GRIN2A: variants seen among roughly 807,000 people sequenced by gnomAD.
GRIN2A encodes the protein glutamate ionotropic receptor NMDA type subunit 2A, also known as glutamate receptor ionotropic, NMDA 2A.
Under a neutral mutation model 113.4 loss-of-function variants are expected in GRIN2A, and 22 were observed. The observed-to-expected ratio is 0.19, with a 90% CI of 0.14 to 0.28. The LOEUF (loss-of-function observed/expected upper bound fraction) is 0.28, where lower values mean the gene tolerates loss of function less well. Ranked by LOEUF, GRIN2A falls within the 10% of genes least tolerant of loss-of-function variation. The pLI is 1.00. For synonymous variants in GRIN2A, 827 were observed against 738.4 expected, an observed-to-expected ratio of 1.12 and a Z score of -1.94; for missense variants, 1,502 against 1,887.0, an observed-to-expected ratio of 0.80 and a Z score of 3.78.
At chr16:9,835,693 T>A (rs1203454264) in intron 7 of GRIN2A, among the ~76,000 whole-genome samples, 1 of 152,150 alleles carries the variant, frequency 6.6e-6, no homozygotes, top group African/African-American at 2.4e-5. Flanking sequence ...TAAAATTGTT[T>A]TCCTAGTGAA....
intron 2 of GRIN2A, chr16:10,121,379 A>T (rs1185946938): frequency 2.6e-5 from 4 of 152,150 alleles, no homozygotes; most frequent in Non-Finnish European, 5.9e-5. Context: ...CAAGCTTAGA[A>T]GCTGTTATGA....
intron 2 of GRIN2A, among the ~76,000 whole-genome samples, chr16:9,991,354 A>G (rs2046109226): frequency 6.6e-6 from 1 of 152,220 alleles, no homozygotes; most frequent in Admixed American, 6.5e-5. Context: ...CTGAATTAGT[A>G]AGTGGTCCTA....
At chr16:10,040,783 A>G (rs376696945) in intron 2 of GRIN2A, among the ~76,000 whole-genome samples, 2 of 152,198 alleles carry the variant, frequency 1.3e-5, no homozygotes, top group African/African-American at 4.8e-5. Flanking sequence ...GCGCTCCGAC[A>G]CTGCATCTGC....
intron 2 of GRIN2A, among the ~76,000 whole-genome samples, chr16:10,131,581 A>G (rs1596538249): frequency 6.6e-6 from 1 of 152,100 alleles, no homozygotes; most frequent in Admixed American, 6.5e-5. Flanking sequence ...ATGCATTGAC[A>G]AGACTAGAGT....
At chr16:9,926,921 C>T (rs1324497529) in intron 3 of GRIN2A, among the ~76,000 whole-genome samples, 1 of 74,896 alleles carries the variant, frequency 1.3e-5, no homozygotes, top group Non-Finnish European at 2.6e-5. Flanking sequence ...GAAAAACACT[C>T]TAAGTTTAAA....
Position 9,762,758 on chromosome 16 carries a change from G to C in GRIN2A, c.*391C>G, listed in dbSNP as rs1352613566. The C allele has an allele frequency of 1.0e-5, 4 of 388,726 alleles. No individual in the cohort carries two copies. Among genetic ancestry groups the C allele is most frequent in the Non-Finnish European group, 1.4e-5 (3 of 211,974 alleles). 24.1% of individuals were successfully genotyped at this position (388,726 alleles called of 1,614,324 possible). On this transcript the variant is annotated 3_prime_UTR_variant, in exon 13 of 13. Coordinates refer to ENST00000330684, the MANE Select transcript of GRIN2A (RefSeq NM_001134407.3). Reference sequence around the variant, plus strand: ...TATTCTGTATTAGAGAAACCATTAGGCATTTCTGATGAGAAAATTACATGG... The same window carrying C: ...TATTCTGTATTAGAGAAACCATTAGCCATTTCTGATGAGAAAATTACATGG...
chr16:9,959,015 C>G (rs919580310), intron 2 of GRIN2A, among the ~76,000 whole-genome samples: 2 of 152,294 alleles, frequency 1.3e-5, no homozygotes, highest in South Asian at 4.1e-4. Flanking sequence ...AAATGTTCAG[C>G]TTATGCCCCA....
At chr16:9,765,557 A>AG (rs1011866642) in intron 12 of GRIN2A, among the ~76,000 whole-genome samples, 15 of 152,238 alleles carry the variant, frequency 9.9e-5, no homozygotes, top group African/African-American at 3.4e-4. Context: ...ATACTCTTTG[A>AG]GGGGGGGATA....
chr16:9,835,885 C>T (rs1223206737), intron 7 of GRIN2A, among the ~76,000 whole-genome samples: 4 of 152,162 alleles, frequency 2.6e-5, no homozygotes, highest in African/African-American at 9.6e-5. Context: ...GGGAGGAATG[C>T]TTTCTAATGC....
chr16:9,791,725 T>A (rs186323851), intron 11 of GRIN2A, among the ~76,000 whole-genome samples: 1 of 151,842 alleles, frequency 6.6e-6, no homozygotes, highest in African/African-American at 2.4e-5. Flanking sequence ...ACAAACACTT[T>A]CTATTCTGCC....
intron 2 of GRIN2A, among the ~76,000 whole-genome samples, chr16:9,948,476 G>T (rs1006811672): frequency 3.9e-5 from 6 of 152,178 alleles, no homozygotes; most frequent in African/African-American, 1.4e-4. Flanking sequence ...CATGCTGCAA[G>T]CATCTCTCAG....
chr16:10,171,015 A>G (rs570249594), intron 2 of GRIN2A, among the ~76,000 whole-genome samples: 50 of 152,312 alleles, frequency 3.3e-4, no homozygotes, highest in African/African-American at 1.2e-3. Context: ...CATCACTTCA[A>G]TCTGAAGTTT....
At chr16:10,059,886 AT>A (rs1299455211) in intron 2 of GRIN2A, among the ~76,000 whole-genome samples, 2 of 152,164 alleles carry the variant, frequency 1.3e-5, no homozygotes, top group South Asian at 2.1e-4. Flanking sequence ...AACAGAGATA[AT>A]ACAGGAAATT....
At chr16:9,803,939 G>T (rs1416917713) in intron 10 of GRIN2A, among the ~76,000 whole-genome samples, 1 of 152,198 alleles carries the variant, frequency 6.6e-6, no homozygotes, top group South Asian at 2.1e-4. Context: ...TTTGACAGAA[G>T]AGGCAAGGAT....
At position 9,761,606 on chromosome 16, in the gene GRIN2A, G is replaced by A; in HGVS notation, c.*1543C>T. On this transcript the variant is annotated 3_prime_UTR_variant, in exon 13 of 13. Transcript: ENST00000330684. ...TTTTTAAACTAGAAAATCCTGATCT[G>A]AGAAAGTGTCATAACATAGCAACTA... The A allele has an allele frequency of 4.4e-6, 1 of 229,822 alleles. No homozygotes were observed. Among genetic ancestry groups the A allele is most frequent in the Non-Finnish European group, 8.6e-6 (1 of 115,976 alleles). The allele number at this position is 229,822 out of a possible 1,614,324, so 14.2% of individuals were successfully genotyped here.
In GRIN2A at chr16:9,804,111, A is replaced by G. The variant is rs184634312; in HGVS notation, c.2169-5647T>C. Among the ~76,000 whole-genome samples the G allele has an allele frequency of 5.9e-5, 9 of 152,320 alleles. No homozygotes were observed. The East Asian group carries it at 1.4e-3, about 23-fold the overall frequency. On this transcript the variant is annotated intron_variant, in intron 10 of 12. Coordinates refer to ENST00000330684, the MANE Select transcript of GRIN2A (RefSeq NM_001134407.3). Reference sequence around the variant, plus strand: ...CCAGTCCATCGGAAGACATGTAGGTATAGGTGGCCATAGCTTCTTGTTGAA... The same window carrying G: ...CCAGTCCATCGGAAGACATGTAGGTGTAGGTGGCCATAGCTTCTTGTTGAA...
intron 2 of GRIN2A, among the ~76,000 whole-genome samples, chr16:10,080,144 A>G (rs1388948726): frequency 6.6e-6 from 1 of 152,212 alleles, no homozygotes; most frequent in African/African-American, 2.4e-5. Context: ...GGTTGCCACA[A>G]CAGCAGAGTA....
At position 9,878,111 on chromosome 16, in the gene GRIN2A, CT is replaced by C. The variant is rs563258070; in HGVS notation, c.1122+12874del. On this transcript the variant is annotated intron_variant, in intron 4 of 12. Coordinates refer to ENST00000330684, the MANE Select transcript of GRIN2A (RefSeq NM_001134407.3). Reference sequence around the variant, plus strand: ...CAATGGAAAACTAGCAAGGGTGCAGCTTTTGTCTTACATTTATACCACCTGT... The same window carrying C: ...CAATGGAAAACTAGCAAGGGTGCAGCTTTGTCTTACATTTATACCACCTGT... 1.2e-3 allele frequency among the ~76,000 whole-genome samples: 183 copies of C among 152,198 alleles called. 2 individuals carry two copies. Among genetic ancestry groups the C allele is most frequent in the African/African-American group, 4.1e-3 (169 of 41,518 alleles).
chr16:9,784,441 C>CAAAAAAAAAAAAAAAAACAAAA (rs71400493), intron 11 of GRIN2A, among the ~76,000 whole-genome samples: 19 of 126,644 alleles, frequency 1.5e-4, no homozygotes, highest in African/African-American at 5.5e-4. Context: ...CAACAACAAC[C>CAAAAAAAAAAAAAAAAACAAAA]AAAAAAAAAA....
Sources: gnomAD v4.1 joint callset for allele counts (sites outside exome capture counted in the v4.1 genomes callset) on GRCh38, gnomAD v4.1.1 for gene constraint, MANE v1.5 for transcripts, NCBI Gene and HGNC (gene_info 2026-07-23, HGNC 2026-07-21) for gene names.